The following OTUD6B variants were observed in gnomAD, a reference collection of about 807,000 sequenced individuals.
OTUD6B encodes OTU deubiquitinase 6B, also known as deubiquitinase OTUD6B.
A neutral mutation model predicts 36.9 loss-of-function variants in OTUD6B; 41 were observed. The observed-to-expected ratio is 1.11, with a 90% CI of 0.87 to 1.44. The LOEUF is 1.44. OTUD6B is among the 40% of genes most tolerant of loss of function. OTUD6B has a pLI of 0.00. For synonymous variants in OTUD6B, 114 were observed against 114.2 expected (o/e 1.00, Z 0.01); for missense variants, 356 against 344.8 (o/e 1.03, Z -0.26).
At chr8:91,076,544 C>T (rs918042683) in intron 3 of OTUD6B, 1 of 1,525,184 alleles carries the variant, frequency 6.6e-7, no homozygotes, top group Non-Finnish European at 8.8e-7. Flanking sequence ...TAGTACATGA[C>T]ATCATTAACT....
At chr8:91,083,599 A>T (rs1249575709) in intron 5 of OTUD6B, among the ~76,000 whole-genome samples, 2 of 152,188 alleles carry the variant, frequency 1.3e-5, no homozygotes, top group African/African-American at 2.4e-5. Context: ...ACTTGACTTT[A>T]TGTGACAGGT....
chr8:91,083,873 C>A, intron 5 of OTUD6B, 135 bp from the exon 6 acceptor site: 1 of 911,870 alleles, frequency 1.1e-6, no homozygotes, highest in Non-Finnish European at 1.6e-6. Flanking sequence ...TTATTAAGTG[C>A]CCAGTATATA....
chr8:91,081,391 A>AAAC (rs1406360104), intron 5 of OTUD6B, among the ~76,000 whole-genome samples: 8 of 135,780 alleles, frequency 5.9e-5, no homozygotes, highest in Non-Finnish European at 1.3e-4. Context: ...AACAAACAAA[A>AAAC]AAAACAGGTA....
intron 4 of OTUD6B, chr8:91,078,908 GAT>G (rs1162191873): frequency 3.1e-6 from 1 of 324,184 alleles, no homozygotes; most frequent in East Asian, 5.3e-5. Context: ...TTTTATGTAA[GAT>G]AGAAGTAGGA....
At position 91,078,251 on chromosome 8, in the gene OTUD6B, A is replaced by G. The variant is rs556922299; in HGVS notation, c.316-105A>G. 13 of 1,446,884 alleles carry G rather than the reference A, an allele frequency of 9.0e-6. No homozygotes were observed. The East Asian group carries it at 3.0e-4, about 33-fold the overall frequency. The allele number at this position is 1,446,884 out of a possible 1,614,324, so 89.6% of individuals were successfully genotyped here. On this transcript the variant is annotated intron_variant, in intron 3 of 6. Coordinates refer to ENST00000404789, the MANE Select transcript of OTUD6B (RefSeq NM_016023.5). ...GATAGTGTTTGTGCGAGAAGGGAGA[A>G]TAAACACCGGAAAGTTTTGAGACCT... is the stretch of plus-strand genomic sequence containing the variant.
chr8:91,084,896 T>A lies in OTUD6B; in HGVS notation c.*28T>A. The A allele has an allele frequency of 1.7e-6, 2 of 1,174,062 alleles. No homozygotes were observed. The highest frequency in any genetic ancestry group is 2.5e-6 in the Non-Finnish European group (2 of 815,538). 72.7% of individuals were successfully genotyped at this position (1,174,062 alleles called of 1,614,324 possible). On this transcript the variant is annotated 3_prime_UTR_variant, in exon 7 of 7. Coordinates refer to ENST00000404789, the MANE Select transcript of OTUD6B (RefSeq NM_016023.5). ...TATACAATGTTGTACAATTATGTTTTAATACAGTGTGCTGAACTGAGTATT... is the reference window on the plus strand; with the variant it reads ...TATACAATGTTGTACAATTATGTTTAAATACAGTGTGCTGAACTGAGTATT...
rs1190450182 is a variant in OTUD6B at position 91,084,033 on chromosome 8, A to T, written c.716A>T (p.Gln239Leu). Residue 239 changes from glutamine to leucine, a missense_variant, in exon 6 of 7, where the codon CAA (glutamine) becomes CTA (leucine). By Grantham distance (113) the Gln-to-Leu change is moderately radical. Coordinates refer to ENST00000404789, the MANE Select transcript of OTUD6B (RefSeq NM_016023.5). Reference sequence around the variant, plus strand: ...CTAAGAGCTCTGTCTCACATTTTACAAACACCAATAGAGATAATACAGGCA... The same window carrying T: ...CTAAGAGCTCTGTCTCACATTTTACTAACACCAATAGAGATAATACAGGCA... ...LELRALSHIL[Q>L]TPIEIIQADS... 1 of 1,574,508 alleles carries T rather than the reference A, an allele frequency of 6.4e-7. No individual in the cohort carries two copies.
At chr8:91,074,085 A>G (rs1384010925) in intron 3 of OTUD6B, among the ~76,000 whole-genome samples, 174 bp downstream of exon 3, 3 of 152,166 alleles carry the variant, frequency 2.0e-5, no homozygotes, top group African/African-American at 7.2e-5. Context: ...ATACTATGCT[A>G]AGCTGCTTAT....
chr8:91,086,678 C>T lies in OTUD6B; in HGVS notation c.*1810C>T, dbSNP rs914978136. ...ATTTAGAATCTTTTTGGTTATATGTCTATTTTTCAATTTTGTTATATTTTT... is the reference window on the plus strand; with the variant it reads ...ATTTAGAATCTTTTTGGTTATATGTTTATTTTTCAATTTTGTTATATTTTT... On this transcript the variant is annotated 3_prime_UTR_variant, in exon 7 of 7. Coordinates refer to ENST00000404789, the MANE Select transcript of OTUD6B (RefSeq NM_016023.5). The T allele has an allele frequency of 2.0e-5, 3 of 151,858 alleles. No individual in the cohort carries two copies. Among genetic ancestry groups the T allele is most frequent in the African/African-American group, 7.3e-5 (3 of 41,370 alleles). The allele number at this position is 151,858 out of a possible 1,614,324, so 9.4% of individuals were successfully genotyped here. A position where few individuals can be genotyped will look rare whatever the true frequency, so the allele number is the denominator to read the frequency against.
Position 91,070,376 on chromosome 8 carries a change from C to T in OTUD6B, c.-9C>T, listed in dbSNP as rs769247242. The T allele has an allele frequency of 2.5e-6, 4 of 1,611,352 alleles. No homozygotes were observed. The highest frequency in any genetic ancestry group is 3.4e-6 in the Non-Finnish European group (4 of 1,178,770). On this transcript the variant is annotated 5_prime_UTR_variant, in exon 1 of 7. Coordinates refer to ENST00000404789, the MANE Select transcript of OTUD6B (RefSeq NM_016023.5). Reference sequence around the variant, plus strand: ...TCTTCTAGCGCGTGTGCTGGGGTACCTGGTCGTCATGGAGGCGGTATTGAC... The same window carrying T: ...TCTTCTAGCGCGTGTGCTGGGGTACTTGGTCGTCATGGAGGCGGTATTGAC...
chr8:91,076,499 T>A, intron 3 of OTUD6B: 1 of 1,512,664 alleles, frequency 6.6e-7, no homozygotes, highest in Non-Finnish European at 8.8e-7. Flanking sequence ...TTAAACAGTT[T>A]TGCAGATAAG....
At position 91,086,674 on chromosome 8, in the gene OTUD6B, A is replaced by G. The variant is rs1391865484; in HGVS notation, c.*1806A>G. On this transcript the variant is annotated 3_prime_UTR_variant, in exon 7 of 7. Transcript: ENST00000404789. The stretch of plus-strand genomic sequence containing the variant: ...CAAGATTTAGAATCTTTTTGGTTAT[A>G]TGTCTATTTTTCAATTTTGTTATAT... The G allele has an allele frequency of 6.6e-6, 1 of 151,942 alleles. No individual in the cohort carries two copies. 9.4% of individuals were successfully genotyped at this position (151,942 alleles called of 1,614,324 possible).
intron 3 of OTUD6B, chr8:91,076,749 C>A (rs920945397): frequency 4.7e-6 from 4 of 844,942 alleles, no homozygotes; most frequent in Admixed American, 2.0e-5. Context: ...TTCTTCCTTT[C>A]CCCTCTGAAA....
In OTUD6B at chr8:91,076,774, T is replaced by C. The variant is rs555815056; in HGVS notation, c.316-1582T>C. On this transcript the variant is annotated intron_variant, in intron 3 of 6. Transcript: ENST00000404789. ...CCCCTCTGAAACTTTTTTAGTCTTT[T>C]ATAAAGTAATAGTGCCATCTTGTGT... The C allele has an allele frequency of 8.3e-6, 6 of 725,576 alleles. No individual in the cohort carries two copies. The African/African-American group carries it at 1.0e-4, about 13-fold the overall frequency. 44.9% of individuals were successfully genotyped at this position (725,576 alleles called of 1,614,324 possible). A position where few individuals can be genotyped will look rare whatever the true frequency, so the allele number is the denominator to read the frequency against.
At chr8:91,073,997 A>G in intron 3 of OTUD6B, 86 bp downstream of exon 3, 1 of 861,774 alleles carries the variant, frequency 1.2e-6, no homozygotes, top group Non-Finnish European at 1.8e-6. Context: ...TGTTATAGGA[A>G]GAGAATGAAA....
In OTUD6B at chr8:91,085,624, G is replaced by A. The variant is rs1046858134; in HGVS notation, c.*756G>A. The A allele has an allele frequency of 2.6e-5, 4 of 151,858 alleles. No homozygotes were observed. The highest frequency in any genetic ancestry group is 1.9e-4 in the East Asian group (1 of 5,178). 9.4% of individuals were successfully genotyped at this position (151,858 alleles called of 1,614,324 possible). ...TTTTTAATGCATTTGTTATTCTTTC[G>A]TATTTTTTAAGCATCGGACTGGAGT... On this transcript the variant is annotated 3_prime_UTR_variant, in exon 7 of 7. Coordinates refer to ENST00000404789, the MANE Select transcript of OTUD6B (RefSeq NM_016023.5).
intron 6 of OTUD6B, 185 bp from the exon 7 acceptor site, chr8:91,084,599 T>C: frequency 3.0e-6 from 1 of 331,002 alleles, no homozygotes; most frequent in East Asian, 1.7e-4. Context: ...CAGATCTTGC[T>C]GACTGCTGCC....
At chr8:91,084,190 A>T in intron 6 of OTUD6B, 76 bp downstream of exon 6, 1 of 826,972 alleles carries the variant, frequency 1.2e-6, no homozygotes, top group Non-Finnish European at 1.9e-6. Flanking sequence ...TTTAGATTAT[A>T]TGTGTTAAAA....
intron 5 of OTUD6B, among the ~76,000 whole-genome samples, chr8:91,081,954 G>C (rs960498829): frequency 6.6e-6 from 1 of 152,136 alleles, no homozygotes; most frequent in African/African-American, 2.4e-5. Context: ...ATGAGTATTA[G>C]AGATTAAATC....
Sources: allele counts gnomAD v4.1 joint callset (sites outside exome capture counted in the v4.1 genomes callset), GRCh38; gene constraint gnomAD v4.1.1; transcripts MANE v1.5; gene names NCBI Gene and HGNC (gene_info 2026-07-23, HGNC 2026-07-21).